The following KIRREL3 variants were observed in gnomAD, a reference collection of about 807,000 sequenced individuals.
KIRREL3 encodes kin of IRRE-like protein 3.
A neutral mutation model predicts 89.7 loss-of-function variants in KIRREL3; 36 were observed. The ratio of observed to expected loss-of-function variants is 0.40; its 90% CI spans 0.31 to 0.53. The LOEUF (loss-of-function observed/expected upper bound fraction) is 0.53. Among genes scored for constraint, KIRREL3 ranks in the 20% least tolerant of loss-of-function variants. The probability of loss-of-function intolerance (pLI) is 0.49; values close to 1 mark genes in which losing one functional copy is unlikely to be tolerated. For missense variants in KIRREL3, 864 were observed against 1,056.6 expected (o/e 0.82, Z 2.53); for synonymous variants, 445 against 441.4 (o/e 1.01, Z -0.10).
intron 1 of KIRREL3, among the ~76,000 whole-genome samples, chr11:126,847,391 G>T (rs1359254809): frequency 6.6e-6 from 1 of 152,058 alleles, no homozygotes; most frequent in Non-Finnish European, 1.5e-5. Flanking sequence ...GACTGTGGCT[G>T]CCCTAAACAT....
rs533278805 is a variant in KIRREL3 at position 126,647,032 on chromosome 11, T to C, written c.56-84120A>G. Among the ~76,000 whole-genome samples, 1 of 152,286 alleles carries C rather than the reference T, an allele frequency of 6.6e-6. No homozygotes were observed. Among genetic ancestry groups the C allele is most frequent in the South Asian group, 2.1e-4 (1 of 4,820 alleles). Reference sequence around the variant, plus strand: ...AACTGAATTTTTATTCCTACAGCAATTTAGTAATGATGATGACACTTAAGC... The same window carrying C: ...AACTGAATTTTTATTCCTACAGCAACTTAGTAATGATGATGACACTTAAGC... On this transcript the variant is annotated intron_variant, in intron 1 of 16. Coordinates refer to ENST00000525144, the MANE Select transcript of KIRREL3 (RefSeq NM_032531.4). The surrounding 1 kb of genome is among the most constrained non-coding windows in gnomAD (Gnocchi z 4.9).
In KIRREL3 at chr11:126,641,355, C is replaced by T. The variant is rs1301743459; in HGVS notation, c.56-78443G>A. On this transcript the variant is annotated intron_variant, in intron 1 of 16. Transcript: ENST00000525144. The surrounding 1 kb of genome is among the most constrained non-coding windows in gnomAD (Gnocchi z 5.0). ...TCTGGGTTTAGCAGGGTCTCTACTC[C>T]AGGCCTTGTCTCTGAAGAGCCTCTT... Among the ~76,000 whole-genome samples the T allele has an allele frequency of 2.3e-4, 35 of 151,908 alleles. No individual in the cohort carries two copies. Among genetic ancestry groups the T allele is most frequent in the Admixed American group, 2.2e-3 (33 of 15,256 alleles).
intron 1 of KIRREL3, among the ~76,000 whole-genome samples, chr11:126,712,604 C>T (rs990530276): frequency 6.6e-6 from 1 of 152,148 alleles, no homozygotes; most frequent in Non-Finnish European, 1.5e-5. Flanking sequence ...AGAGGCAGGA[C>T]GCAGGCAGGT....
At chr11:126,678,459 G>T (rs1484840515) in intron 1 of KIRREL3, among the ~76,000 whole-genome samples, 3 of 151,966 alleles carry the variant, frequency 2.0e-5, no homozygotes, top group African/African-American at 7.3e-5. Flanking sequence ...AATTAGCCAG[G>T]CATGGTGGCA....
In KIRREL3 at chr11:126,489,958, G is replaced by A. The variant is rs569834145; in HGVS notation, c.434-16492C>T. Among the ~76,000 whole-genome samples, 1 of 152,240 alleles carries A rather than the reference G, an allele frequency of 6.6e-6. No individual in the cohort carries two copies. The highest frequency in any genetic ancestry group is 2.1e-4 in the South Asian group (1 of 4,816). Reference sequence around the variant, plus strand: ...ATCCCTGGCACTGTGCAGGAATCTGGGCGTGTTAGTGCTGCATACGTTGGG... The same window carrying A: ...ATCCCTGGCACTGTGCAGGAATCTGAGCGTGTTAGTGCTGCATACGTTGGG... On this transcript the variant is annotated intron_variant, in intron 4 of 16. Transcript: ENST00000525144. This position sits in a 1 kb window ranked among gnomAD's most constrained non-coding sequence, Gnocchi z 5.5.
At chr11:126,964,644 C>T (rs1204918397) in intron 1 of KIRREL3, among the ~76,000 whole-genome samples, 1 of 152,174 alleles carries the variant, frequency 6.6e-6, no homozygotes, top group Non-Finnish European at 1.5e-5. Flanking sequence ...CTACAAACTC[C>T]TGCAAATAGG....
At chr11:126,967,281 G>A (rs190149679) in intron 1 of KIRREL3, among the ~76,000 whole-genome samples, 2 of 152,032 alleles carry the variant, frequency 1.3e-5, no homozygotes, top group Non-Finnish European at 2.9e-5. Context: ...CCTTCACCAT[G>A]CCCGCACATC....
At chr11:126,470,684 C>T (rs1234232039) in intron 5 of KIRREL3, among the ~76,000 whole-genome samples, 2 of 152,172 alleles carry the variant, frequency 1.3e-5, no homozygotes, top group Admixed American at 6.5e-5. Flanking sequence ...AGACCTGAGG[C>T]GAGCGGGCGT....
intron 1 of KIRREL3, among the ~76,000 whole-genome samples, chr11:126,813,032 A>G (rs1951439735): frequency 6.6e-6 from 1 of 152,168 alleles, no homozygotes; most frequent in Non-Finnish European, 1.5e-5. Context: ...ACAGCTCACT[A>G]TGTGTCAAGT....
chr11:126,671,366 T>C (rs1470424365), intron 1 of KIRREL3, among the ~76,000 whole-genome samples: 3 of 151,976 alleles, frequency 2.0e-5, no homozygotes, highest in African/African-American at 4.8e-5. Context: ...CCATGCCTGG[T>C]TGGTGATGAG....
rs1219139256 is a variant in KIRREL3 at position 126,454,422 on chromosome 11, C to G, written c.848+1927G>C. ...AAAGTCGAAAGTTGTGTGTCCTGGT[C>G]TCTGGGGCGCCCAACAGGCATTCTA... On this transcript the variant is annotated intron_variant, in intron 7 of 16. Transcript: ENST00000525144. This position sits in a 1 kb window ranked among gnomAD's most constrained non-coding sequence, Gnocchi z 5.8. Among the ~76,000 whole-genome samples the G allele has an allele frequency of 6.6e-6, 1 of 152,128 alleles. No homozygotes were observed. Among genetic ancestry groups the G allele is most frequent in the Admixed American group, 6.5e-5 (1 of 15,274 alleles).
At chr11:126,667,895 G>T (rs1458680830) in intron 1 of KIRREL3, among the ~76,000 whole-genome samples, 1 of 152,102 alleles carries the variant, frequency 6.6e-6, no homozygotes, top group Admixed American at 6.5e-5. Context: ...TCTGATCTTG[G>T]GACAAAGCAG....
intron 1 of KIRREL3, among the ~76,000 whole-genome samples, chr11:126,759,472 C>T (rs1319089605): frequency 1.3e-5 from 2 of 152,088 alleles, no homozygotes; most frequent in Non-Finnish European, 2.9e-5. Context: ...AACCAGAGCA[C>T]GTGTATAGAA....
intron 1 of KIRREL3, among the ~76,000 whole-genome samples, chr11:126,700,033 A>T (rs1325500297): frequency 6.6e-6 from 1 of 152,122 alleles, no homozygotes; most frequent in Non-Finnish European, 1.5e-5. Flanking sequence ...ATCTTTACAA[A>T]AAATAAAAAA....
At chr11:126,514,864 CAACAA>C (rs772407540) in intron 4 of KIRREL3, among the ~76,000 whole-genome samples, 6,746 of 76,338 alleles carry the variant, frequency 0.088, 199 homozygotes, top group Middle Eastern at 0.12. Flanking sequence ...CAACACAACA[CAACAA>C]AACACAATTG....
rs898948182 is a variant in KIRREL3 at position 126,946,421 on chromosome 11, A to G, written c.55+54034T>C. Among the ~76,000 whole-genome samples, 2 of 152,202 alleles carry G rather than the reference A, an allele frequency of 1.3e-5. No homozygotes were observed. Among genetic ancestry groups the G allele is most frequent in the African/African-American group, 4.8e-5 (2 of 41,444 alleles). On this transcript the variant is annotated intron_variant, in intron 1 of 16. Coordinates refer to ENST00000525144, the MANE Select transcript of KIRREL3 (RefSeq NM_032531.4). This position sits in a 1 kb window ranked among gnomAD's most constrained non-coding sequence, Gnocchi z 4.1. Reference sequence around the variant, plus strand: ...AAACCACCTTGGCCTCAGCTTCTTCATTAATAAAATGCTATTAGACTTTAT... The same window carrying G: ...AAACCACCTTGGCCTCAGCTTCTTCGTTAATAAAATGCTATTAGACTTTAT...
chr11:126,870,235 G>T lies in KIRREL3; in HGVS notation c.55+130220C>A, dbSNP rs1261381666. Among the ~76,000 whole-genome samples the T allele has an allele frequency of 6.6e-6, 1 of 152,156 alleles. No individual in the cohort carries two copies. The highest frequency in any genetic ancestry group is 1.5e-5 in the Non-Finnish European group (1 of 68,030). ...CCTGTCTGCCCCAGGCTCATATTCT[G>T]CCAGGGACCACACTGAACACCCTCC... On this transcript the variant is annotated intron_variant, in intron 1 of 16. Transcript: ENST00000525144. The surrounding 1 kb of genome is among the most constrained non-coding windows in gnomAD (Gnocchi z 4.4).
At chr11:126,863,790 G>A (rs1944829730) in intron 1 of KIRREL3, among the ~76,000 whole-genome samples, 1 of 152,162 alleles carries the variant, frequency 6.6e-6, no homozygotes, top group South Asian at 2.1e-4. Context: ...TTTTCAGGGG[G>A]GATTTTACAG....
rs1037918365 is a variant in KIRREL3, at chr11:126,612,670, C to T, written c.56-49758G>A. 6.6e-6 allele frequency among the ~76,000 whole-genome samples: 1 copy of T among 152,150 alleles called. No individual in the cohort carries two copies. The highest frequency in any genetic ancestry group is 2.4e-5 in the African/African-American group (1 of 41,420). On this transcript the variant is annotated intron_variant, in intron 1 of 16. Transcript: ENST00000525144. This position sits in a 1 kb window ranked among gnomAD's most constrained non-coding sequence, Gnocchi z 4.5. ...ACACCCATCACTCCCCATTTCTGTC[C>T]CCGTCGGTAGCCATTAACCCACTTT...
Sources: gnomAD v4.1 joint callset for allele counts (sites outside exome capture counted in the v4.1 genomes callset) on GRCh38, gnomAD v4.1.1 for gene constraint, Gnocchi (gnomAD v3.1) non-coding constraint, MANE v1.5 for transcripts, NCBI Gene and HGNC (gene_info 2026-07-23, HGNC 2026-07-21) for gene names.